The following ZNF30 variants were observed in gnomAD, a reference collection of about 807,000 sequenced individuals.
ZNF30 encodes zinc finger protein 30.
A neutral mutation model predicts 13.2 loss-of-function variants in ZNF30; 15 were observed. That is an observed-to-expected ratio of 1.13 (90% confidence interval 0.76 to 1.75). The LOEUF (loss-of-function observed/expected upper bound fraction) is 1.75. ZNF30 is among the 40% of genes most tolerant of loss of function. The pLI is 0.00. For missense variants in ZNF30, 726 were observed against 757.0 expected, an observed-to-expected ratio of 0.96 and a Z score of 0.48; for synonymous variants, 223 against 256.6, an observed-to-expected ratio of 0.87 and a Z score of 1.25.
chr19:34,931,056 G>C (rs907421409), intron 2 of ZNF30, among the ~76,000 whole-genome samples: 1 of 38,980 alleles, frequency 2.6e-5, no homozygotes, highest in Admixed American at 2.8e-4. Context: ...TTTTTTTTTT[G>C]AGACTGAGTC....
At chr19:34,934,179 A>G (rs2012606307) in intron 4 of ZNF30, among the ~76,000 whole-genome samples, 1 of 152,090 alleles carries the variant, frequency 6.6e-6, no homozygotes, top group Non-Finnish European at 1.5e-5. Context: ...TGTGTGCTTC[A>G]GGAGCAGTAA....
At chr19:34,930,545 C>G (rs2012393199) in intron 2 of ZNF30, among the ~76,000 whole-genome samples, 1 of 152,116 alleles carries the variant, frequency 6.6e-6, no homozygotes, top group Non-Finnish European at 1.5e-5. Flanking sequence ...GTCATTTTCA[C>G]CCTAATCCAC....
chr19:34,936,143 G>A (rs1368545359), intron 4 of ZNF30, among the ~76,000 whole-genome samples: 1 of 152,172 alleles, frequency 6.6e-6, no homozygotes, highest in Non-Finnish European at 1.5e-5. Flanking sequence ...AGATTTGGGT[G>A]GGGACACAGC....
At position 34,944,085 on chromosome 19, in the gene ZNF30, A is replaced by G. The variant is rs181728534; in HGVS notation, c.1119A>G (p.Gly373=). The G allele has an allele frequency of 3.0e-5, 48 of 1,613,734 alleles. No homozygotes were observed. In the East Asian group the frequency reaches 9.8e-4, roughly 33 times the overall value. Residue 373 remains glycine, a synonymous_variant, in exon 5 of 5, where the codon GGA becomes GGG. Transcript: ENST00000601142. The part of the protein sequence containing the change: ...QRIHAEIKPY[G]CKECGRTFSR... ...TTCATGCAGAGATAAAGCCCTACGG[A>G]TGCAAGGAATGCGGGAGAACCTTCA...
rs1568547617 is a variant in ZNF30 at position 34,944,789 on chromosome 19, GT to G, written c.1825del (p.Ser609GlnfsTer7). On this transcript the variant is annotated frameshift_variant, in exon 5 of 5. Transcript: ENST00000601142. LOFTEE classifies it high-confidence loss of function. The stretch of plus-strand genomic sequence containing the variant: ...AAATGTGGGAAGACCTTTAGATACA[GT>G]TCAGCCCTTAAAGTGCATCTGAGAA... ...CKKCGKTFRY[S>X]SALKVHLRKH... 2 of 1,611,988 alleles carry G rather than the reference GT, an allele frequency of 1.2e-6. No individual in the cohort carries two copies. The highest frequency in any genetic ancestry group is 4.5e-5 in the East Asian group (2 of 44,838).
At chr19:34,925,867 G>A (rs1383781348), upstream of ZNF30, among the ~76,000 whole-genome samples, 5 of 151,356 alleles carry the variant, frequency 3.3e-5, no homozygotes, top group African/African-American at 1.2e-4. Context: ...TCACTGTAAT[G>A]TGGGCTTAAT....
At chr19:34,930,506 A>G (rs565896927) in intron 2 of ZNF30, among the ~76,000 whole-genome samples, 1 of 152,266 alleles carries the variant, frequency 6.6e-6, no homozygotes, top group East Asian at 1.9e-4. Flanking sequence ...GGGACCTGCC[A>G]GACTTGGACA....
At chr19:34,940,667 C>CAAAAAAAAAAA (rs59553578) in intron 4 of ZNF30, among the ~76,000 whole-genome samples, 5 of 63,944 alleles carry the variant, frequency 7.8e-5, no homozygotes, top group South Asian at 4.7e-4. Context: ...GACTCCGTCT[C>CAAAAAAAAAAA]AAAAAAAAAA....
At chr19:34,926,567 C>G (rs1369321130), upstream of ZNF30, among the ~76,000 whole-genome samples, 1 of 152,112 alleles carries the variant, frequency 6.6e-6, no homozygotes, top group Non-Finnish European at 1.5e-5. Context: ...CACTATTAAT[C>G]CTATTAATAT....
At chr19:34,928,250 T>TATATATATATATATAGATAG (rs2012223880) in intron 1 of ZNF30, among the ~76,000 whole-genome samples, 4 of 53,476 alleles carry the variant, frequency 7.5e-5, no homozygotes, top group Non-Finnish European at 1.3e-4. Flanking sequence ...TATATATATA[T>TATATATATATATATAGATAG]ATATAGATAG....
chr19:34,925,865 A>C (rs1161664582), upstream of ZNF30, among the ~76,000 whole-genome samples: 3 of 152,030 alleles, frequency 2.0e-5, no homozygotes, highest in Non-Finnish European at 2.9e-5. Flanking sequence ...AATCACTGTA[A>C]TGTGGGCTTA....
intron 4 of ZNF30, among the ~76,000 whole-genome samples, chr19:34,940,558 C>T (rs546155871): frequency 3.3e-5 from 5 of 150,198 alleles, no homozygotes; most frequent in African/African-American, 1.2e-4. Flanking sequence ...ATCCCAGCTA[C>T]TCAGGAGGCT....
intron 1 of ZNF30, among the ~76,000 whole-genome samples, chr19:34,929,532 C>T (rs952581257): frequency 2.6e-5 from 4 of 152,174 alleles, no homozygotes; most frequent in Non-Finnish European, 5.9e-5. Context: ...TAAAGAAGCT[C>T]TGGATTGGGT....
chr19:34,935,710 T>G (rs1223115782), intron 4 of ZNF30, among the ~76,000 whole-genome samples: 1 of 150,186 alleles, frequency 6.7e-6, no homozygotes, highest in East Asian at 1.9e-4. Context: ...GTTTTTTTTT[T>G]TTTTTTTTTT....
intron 4 of ZNF30, among the ~76,000 whole-genome samples, chr19:34,941,069 T>C (rs1425354912): frequency 6.6e-6 from 1 of 152,214 alleles, no homozygotes; most frequent in African/African-American, 2.4e-5. Context: ...TTCTAAACAA[T>C]GTATTTTGAA....
chr19:34,928,252 T>TATATATATATATATATAG (rs1325117057), intron 1 of ZNF30, among the ~76,000 whole-genome samples: 13 of 56,530 alleles, frequency 2.3e-4, no homozygotes, highest in Non-Finnish European at 3.3e-4. Flanking sequence ...TATATATATA[T>TATATATATATATATATAG]ATAGATAGAT....
intron 4 of ZNF30, among the ~76,000 whole-genome samples, chr19:34,936,691 T>C (rs2012758991): frequency 6.6e-6 from 1 of 152,014 alleles, no homozygotes; most frequent in African/African-American, 2.4e-5. Context: ...AGCCCAGGAA[T>C]TTGAGACCAG....
In ZNF30 at chr19:34,931,900, T is replaced by G. The variant is rs777128169; in HGVS notation, c.67T>G (p.Phe23Val). The G allele has an allele frequency of 2.3e-5, 37 of 1,613,528 alleles. No homozygotes were observed. In the Middle Eastern group the frequency reaches 5.0e-4, roughly 22 times the overall value. ...SVTFEDVAIA[F>V]SQQEWESLDS... ...GACATTTGAGGATGTGGCCATAGCC[T>G]TCTCCCAGCAGGAGTGGGAGAGTCT... is the stretch of plus-strand genomic sequence containing the variant. Residue 23 changes from phenylalanine (F) to valine (V), a missense_variant, in exon 3 of 5, where the codon TTC (phenylalanine) becomes GTC (valine). Transcript: ENST00000601142.
At chr19:34,927,897 C>T (rs1331329453) in intron 1 of ZNF30, among the ~76,000 whole-genome samples, 2 of 152,028 alleles carry the variant, frequency 1.3e-5, no homozygotes, top group Non-Finnish European at 2.9e-5. Context: ...GAGAAACTTA[C>T]GTTTTAAGTA....
Sources: allele counts gnomAD v4.1 joint callset (sites outside exome capture counted in the v4.1 genomes callset), GRCh38; gene constraint gnomAD v4.1.1; transcripts MANE v1.5; gene names NCBI Gene and HGNC (gene_info 2026-07-23, HGNC 2026-07-21).